The following ADM2 variants were observed in gnomAD, a reference collection of about 807,000 sequenced individuals.
The protein encoded by ADM2 is adrenomedullin 2, also known as protein ADM2.
ADM2 carries 5 observed loss-of-function variants against 7.1 expected under a neutral mutation model. The ratio of observed to expected loss-of-function variants is 0.71; its 90% CI spans 0.37 to 1.49. ADM2 has a LOEUF of 1.49. ADM2 is among the 40% of genes most tolerant of loss of function. The probability of loss-of-function intolerance (pLI) is 0.03; values close to 1 mark genes in which losing one functional copy is unlikely to be tolerated. For missense variants in ADM2, 236 were observed against 211.2 expected (o/e 1.12, Z -0.73); for synonymous variants, 123 against 92.8 (o/e 1.33, Z -1.87).
Position 50,482,813 on chromosome 22 carries a change from T to C in ADM2, c.357T>C (p.Asn119=). 1 of 1,608,406 alleles carries C rather than the reference T, an allele frequency of 6.2e-7. No homozygotes were observed. The highest frequency in any genetic ancestry group is 2.2e-5 in the East Asian group (1 of 44,828). ...TGCTGGGCACCTGCCAGGTGCAGAATCTCAGCCACCGCCTGTGGCAACTCA... is the reference window on the plus strand; with the variant it reads ...TGCTGGGCACCTGCCAGGTGCAGAACCTCAGCCACCGCCTGTGGCAACTCA... ...GCVLGTCQVQ[N]LSHRLWQLMG... The change falls in exon 3 of 3, where the codon AAT becomes AAC. Residue 119 remains asparagine (N), a synonymous_variant. Coordinates refer to ENST00000395737, the MANE Select transcript of ADM2 (RefSeq NM_001253845.2).
rs976757048 is a variant in ADM2 at position 50,485,070 on chromosome 22, G to A, written c.*2167G>A. The A allele has an allele frequency of 2.0e-5, 3 of 152,370 alleles. No homozygotes were observed. Among genetic ancestry groups the A allele is most frequent in the African/African-American group, 7.2e-5 (3 of 41,456 alleles). The allele number at this position is 152,370 out of a possible 1,614,324, so 9.4% of individuals were successfully genotyped here. ...TGTAATCCCAGCTACTCAGGAGGCTGAGGCAGGAGGATCACTTGAACCTGG... is the reference window on the plus strand; with the variant it reads ...TGTAATCCCAGCTACTCAGGAGGCTAAGGCAGGAGGATCACTTGAACCTGG... On this transcript the variant is annotated 3_prime_UTR_variant, in exon 3 of 3. Transcript: ENST00000395737.
At chr22:50,482,104 C>G in intron 2 of ADM2, 147 bp downstream of exon 2, 1 of 749,574 alleles carries the variant, frequency 1.3e-6, no homozygotes, top group Non-Finnish European at 2.0e-6. Context: ...GGCTCAGGAG[C>G]GCCTGAGCAG....
Position 50,483,473 on chromosome 22 carries a change from G to T in ADM2, c.*570G>T. On this transcript the variant is annotated 3_prime_UTR_variant, in exon 3 of 3. Transcript: ENST00000395737. The stretch of plus-strand genomic sequence containing the variant: ...TCATGAAGGGACCTCTGTGGCTCCA[G>T]CTGCCAACCCTGGAGCCCAGACCGA... The T allele has an allele frequency of 2.8e-6, 1 of 352,756 alleles. No individual in the cohort carries two copies. Among genetic ancestry groups the T allele is most frequent in the Non-Finnish European group, 5.7e-6 (1 of 176,374 alleles). The allele number at this position is 352,756 out of a possible 1,614,324, so 21.9% of individuals were successfully genotyped here. A position where few individuals can be genotyped will look rare whatever the true frequency, so the allele number is the denominator to read the frequency against.
intron 2 of ADM2, 60 bp downstream of exon 2, chr22:50,482,017 G>C: frequency 7.1e-7 from 1 of 1,417,378 alleles, no homozygotes; most frequent in Non-Finnish European, 9.5e-7. Context: ...CAGAGTGCCG[G>C]GGGCCGCGGG....
In ADM2 at chr22:50,482,889, C is replaced by G. The variant is rs868203547; in HGVS notation, c.433C>G (p.His145Asp). Residue 145 changes from histidine (H) to aspartate (D), a missense_variant, in exon 3 of 3, where the codon CAC (histidine) becomes GAC (aspartate). Coordinates refer to ENST00000395737, the MANE Select transcript of ADM2 (RefSeq NM_001253845.2). ...AGCTCCTGTGGACCCCAGCAGCCCCCACAGCTATGGCTGAGGTGGGGCCGG... is the reference window on the plus strand; with the variant it reads ...AGCTCCTGTGGACCCCAGCAGCCCCGACAGCTATGGCTGAGGTGGGGCCGG... ...DSAPVDPSSP[H>D]SYG is the part of the protein sequence containing the mutation. The G allele has an allele frequency of 6.3e-7, 1 of 1,599,098 alleles. No homozygotes were observed. Among genetic ancestry groups the G allele is most frequent in the Non-Finnish European group, 8.5e-7 (1 of 1,176,986 alleles).
Position 50,481,776 on chromosome 22 carries a change from GGGGTGGCTCGCGGCTCAGGCT to G in ADM2, c.-12+15_-12+35del. On this transcript the variant is annotated intron_variant, in intron 1 of 2. Transcript: ENST00000395737. ...AGGACTCCCCGAGGTGCCGGCGGAG[GGGGTGGCTCGCGGCTCAGGCT>G]GCCCCCGACGTGCCCGGCTCACCGC... 9.2e-7 allele frequency: 1 copy of G among 1,082,698 alleles called. No individual in the cohort carries two copies. Among genetic ancestry groups the G allele is most frequent in the South Asian group, 1.8e-5 (1 of 56,690 alleles). 67.1% of individuals were successfully genotyped at this position (1,082,698 alleles called of 1,614,324 possible). A position where few individuals can be genotyped will look rare whatever the true frequency, so the allele number is the denominator to read the frequency against.
At position 50,483,144 on chromosome 22, in the gene ADM2, C is replaced by T. The variant is rs559746568; in HGVS notation, c.*241C>T. The T allele has an allele frequency of 4.2e-6, 3 of 719,188 alleles. No individual in the cohort carries two copies. The highest frequency in any genetic ancestry group is 1.7e-5 in the African/African-American group (1 of 57,660). The allele number at this position is 719,188 out of a possible 1,614,324, so 44.6% of individuals were successfully genotyped here. A position where few individuals can be genotyped will look rare whatever the true frequency, so the allele number is the denominator to read the frequency against. On this transcript the variant is annotated 3_prime_UTR_variant, in exon 3 of 3. Coordinates refer to ENST00000395737, the MANE Select transcript of ADM2 (RefSeq NM_001253845.2). ...CCTGGGGGACAGCTGCCAGACACAG[C>T]TGGCGGCAGCACCAGATGCTAAGCG...
rs1170929398 is a variant in ADM2, at chr22:50,483,134, C to T, written c.*231C>T. On this transcript the variant is annotated 3_prime_UTR_variant, in exon 3 of 3. Transcript: ENST00000395737. ...ATTGTGACCCCCTGGGGGACAGCTG[C>T]CAGACACAGCTGGCGGCAGCACCAG... 4.0e-6 allele frequency: 3 copies of T among 748,262 alleles called. No homozygotes were observed. The highest frequency in any genetic ancestry group is 7.0e-6 in the Non-Finnish European group (3 of 430,066). The allele number at this position is 748,262 out of a possible 1,614,324, so 46.4% of individuals were successfully genotyped here.
intron 2 of ADM2, 68 bp downstream of exon 2, chr22:50,482,025 G>A (rs897543175): frequency 1.4e-6 from 2 of 1,396,442 alleles, no homozygotes; most frequent in Non-Finnish European, 9.7e-7. Context: ...CGGGGGCCGC[G>A]GGGCCGCCCT....
In ADM2 at chr22:50,481,713, C is replaced by T. The variant is rs556797069; in HGVS notation, c.-62C>T. The T allele has an allele frequency of 7.4e-5, 35 of 474,910 alleles. No individual in the cohort carries two copies. Among genetic ancestry groups the T allele is most frequent in the Non-Finnish European group, 1.1e-4 (32 of 290,410 alleles). The allele number at this position is 474,910 out of a possible 1,614,324, so 29.4% of individuals were successfully genotyped here. Reference sequence around the variant, plus strand: ...CCTGCGCCCCGACGGACGCCCGTGCCCAGCTTGCCACGCCCACGCCCGGCG... The same window carrying T: ...CCTGCGCCCCGACGGACGCCCGTGCTCAGCTTGCCACGCCCACGCCCGGCG... On this transcript the variant is annotated 5_prime_UTR_variant, in exon 1 of 3. Coordinates refer to ENST00000395737, the MANE Select transcript of ADM2 (RefSeq NM_001253845.2).
At chr22:50,481,985 C>G in intron 2 of ADM2, 28 bp downstream of exon 2, 1 of 1,516,318 alleles carries the variant, frequency 6.6e-7, no homozygotes, top group South Asian at 1.2e-5. Context: ...GCCAGCCAAC[C>G]CCTCTGGCCC....
rs753872221 is a variant in ADM2, at chr22:50,481,875, G to A, written c.28G>A (p.Gly10Ser). Reference protein sequence around the residue: MARIPTAALGCISLLCLQLP... With the variant: MARIPTAALSCISLLCLQLP... ...GGCCCGGATCCCGACGGCCGCCCTGGGTTGCATCAGCCTCCTCTGCCTGCA... is the reference window on the plus strand; with the variant it reads ...GGCCCGGATCCCGACGGCCGCCCTGAGTTGCATCAGCCTCCTCTGCCTGCA... Residue 10 changes from glycine (G) to serine (S), a missense_variant, in exon 2 of 3, where the codon GGT (glycine) becomes AGT (serine). Transcript: ENST00000395737. 3.3e-6 allele frequency: 5 copies of A among 1,519,152 alleles called. No individual in the cohort carries two copies. Among genetic ancestry groups the A allele is most frequent in the African/African-American group, 1.4e-5 (1 of 69,804 alleles). 94.1% of individuals were successfully genotyped at this position (1,519,152 alleles called of 1,614,324 possible). A position where few individuals can be genotyped will look rare whatever the true frequency, so the allele number is the denominator to read the frequency against.
In ADM2 at chr22:50,481,579, CG is replaced by C; in HGVS notation, c.-193del. The C allele has an allele frequency of 4.4e-6, 1 of 226,102 alleles. No homozygotes were observed. The highest frequency in any genetic ancestry group is 8.5e-6 in the Non-Finnish European group (1 of 117,216). 14.0% of individuals were successfully genotyped at this position (226,102 alleles called of 1,614,324 possible). On this transcript the variant is annotated 5_prime_UTR_variant, in exon 1 of 3. Transcript: ENST00000395737. ...GTATTCAGCCCTGGAGGTGCCATCC[CG>C]GGCCGCGACTCCGCTCCAGGCAGGA...
In ADM2 at chr22:50,484,789, G is replaced by C. The variant is rs980643359; in HGVS notation, c.*1886G>C. The C allele has an allele frequency of 6.6e-6, 1 of 152,072 alleles. No homozygotes were observed. The highest frequency in any genetic ancestry group is 2.4e-5 in the African/African-American group (1 of 41,330). 9.4% of individuals were successfully genotyped at this position (152,072 alleles called of 1,614,324 possible). On this transcript the variant is annotated 3_prime_UTR_variant, in exon 3 of 3. Transcript: ENST00000395737. The stretch of plus-strand genomic sequence containing the variant: ...GAGGCCGCCTGCTGTAACCCTCCGT[G>C]TCGCCTCGGGTGCGAAATCAGACCC...
rs2068266976 is a variant in ADM2 at position 50,486,287 on chromosome 22, C to G, written c.*3384C>G. 1 of 154,446 alleles carries G rather than the reference C, an allele frequency of 6.5e-6. No individual in the cohort carries two copies. The highest frequency in any genetic ancestry group is 2.4e-5 in the African/African-American group (1 of 41,454). 9.6% of individuals were successfully genotyped at this position (154,446 alleles called of 1,614,324 possible). ...CCTGCAAGATCCTCATTGAGCCACT[C>G]CAGTGAGAATCCCCCTACCCTCGAA... is the stretch of plus-strand genomic sequence containing the variant. On this transcript the variant is annotated 3_prime_UTR_variant, in exon 3 of 3. Transcript: ENST00000395737.
In ADM2 at chr22:50,482,883, A is replaced by G. The variant is rs1056178348; in HGVS notation, c.427A>G (p.Ser143Gly). The G allele has an allele frequency of 1.2e-6, 2 of 1,600,574 alleles. No homozygotes were observed. Among genetic ancestry groups the G allele is most frequent in the Admixed American group, 3.4e-5 (2 of 59,224 alleles). The change falls in exon 3 of 3, where the codon AGC (serine) becomes GGC (glycine). Residue 143 changes from serine (S) to glycine (G), a missense_variant. Ser to Gly is a moderately conservative substitution (Grantham distance 56). Transcript: ENST00000395737. ...RQDSAPVDPS[S>G]PHSYG ...GGACTCAGCTCCTGTGGACCCCAGCAGCCCCCACAGCTATGGCTGAGGTGG... is the reference window on the plus strand; with the variant it reads ...GGACTCAGCTCCTGTGGACCCCAGCGGCCCCCACAGCTATGGCTGAGGTGG...
In ADM2 at chr22:50,481,864, C is replaced by T. The variant is rs1321369019; in HGVS notation, c.17C>T (p.Thr6Met). 2.0e-6 allele frequency: 3 copies of T among 1,507,704 alleles called. No homozygotes were observed. The highest frequency in any genetic ancestry group is 1.8e-6 in the Non-Finnish European group (2 of 1,133,740). 93.4% of individuals were successfully genotyped at this position (1,507,704 alleles called of 1,614,324 possible). ...CCGCCCGCCATGGCCCGGATCCCGA[C>T]GGCCGCCCTGGGTTGCATCAGCCTC... is the stretch of plus-strand genomic sequence containing the variant. MARIPTAALGCISLLC... is the reference protein window; with the variant it reads MARIPMAALGCISLLC... The change falls in exon 2 of 3, where the codon ACG (threonine) becomes ATG (methionine). Residue 6 changes from threonine (T) to methionine (M), a missense_variant. Physicochemically the swap from Thr to Met is moderately conservative, Grantham distance 81. Coordinates refer to ENST00000395737, the MANE Select transcript of ADM2 (RefSeq NM_001253845.2).
In ADM2 at chr22:50,484,961, G is replaced by C. The variant is rs62239483; in HGVS notation, c.*2058G>C. ...AAGGCAGGCACATCACCTGAGTTCAGGAGTTCAAGACCAGCCTGGCCAACA... is the reference window on the plus strand; with the variant it reads ...AAGGCAGGCACATCACCTGAGTTCACGAGTTCAAGACCAGCCTGGCCAACA... On this transcript the variant is annotated 3_prime_UTR_variant, in exon 3 of 3. Coordinates refer to ENST00000395737, the MANE Select transcript of ADM2 (RefSeq NM_001253845.2). 18,589 of 151,838 alleles carry C rather than the reference G, an allele frequency of 0.12. 1,465 individuals carry two copies. Among genetic ancestry groups the C allele is most frequent in the Middle Eastern group, 0.18 (52 of 288 alleles). The allele number at this position is 151,838 out of a possible 1,614,324, so 9.4% of individuals were successfully genotyped here.
At position 50,481,744 on chromosome 22, in the gene ADM2, A is replaced by C; in HGVS notation, c.-31A>C. On this transcript the variant is annotated 5_prime_UTR_variant, in exon 1 of 3. Coordinates refer to ENST00000395737, the MANE Select transcript of ADM2 (RefSeq NM_001253845.2). ...TGCCACGCCCACGCCCGGCGCCCCG[A>C]CCGCGGAGGACTCCCCGAGGTGCCG... The C allele has an allele frequency of 1.5e-6, 1 of 685,620 alleles. No homozygotes were observed. The highest frequency in any genetic ancestry group is 2.1e-6 in the Non-Finnish European group (1 of 468,350). The allele number at this position is 685,620 out of a possible 1,614,324, so 42.5% of individuals were successfully genotyped here.
Sources: gnomAD v4.1 joint callset for allele counts on GRCh38, gnomAD v4.1.1 for gene constraint, MANE v1.5 for transcripts, NCBI Gene and HGNC (gene_info 2026-07-23, HGNC 2026-07-21) for gene names.